The following LCLAT1 variants were observed in gnomAD, a reference collection of about 807,000 sequenced individuals.
The protein encoded by LCLAT1 is lysocardiolipin acyltransferase 1, also known as 1-AGP acyltransferase 8.
LCLAT1 carries 11 observed loss-of-function variants against 30.7 expected under a neutral mutation model. The observed-to-expected ratio is 0.36, with a 90% CI of 0.23 to 0.59. LCLAT1 has a LOEUF of 0.59. LCLAT1 is among the 20% of genes least tolerant of loss of function. LCLAT1 has a pLI of 0.77. For synonymous variants in LCLAT1, 155 were observed against 151.3 expected, an observed-to-expected ratio of 1.02 and a Z score of -0.18; for missense variants, 402 against 458.6, an observed-to-expected ratio of 0.88 and a Z score of 1.13.
chr2:30,562,330 T>C (rs755900261), intron 4 of LCLAT1, 38 bp downstream of exon 4: 1 of 1,502,656 alleles, frequency 6.7e-7, no homozygotes, highest in Non-Finnish European at 9.0e-7. Context: ...AGAAATCATG[T>C]AGTCTAAACT....
intron 1 of LCLAT1, among the ~76,000 whole-genome samples, chr2:30,452,892 A>G (rs1331467092): frequency 6.6e-6 from 1 of 152,086 alleles, no homozygotes; most frequent in African/African-American, 2.4e-5. Context: ...CAGTAGGGCC[A>G]TAGGGATCCT....
Position 30,517,543 on chromosome 2 carries a change from A to G in LCLAT1, c.-4-8044A>G, listed in dbSNP as rs141504920. On this transcript the variant is annotated intron_variant, in intron 1 of 5. Transcript: ENST00000379509. ...AGGGCCTTAGAACTGGTAACCCAGT[A>G]CTTTAACAACTGGAACTGGGTCTAC... Among the ~76,000 whole-genome samples the G allele has an allele frequency of 1.4e-3, 220 of 152,342 alleles. 1 individual carries two copies. The highest frequency in any genetic ancestry group is 5.1e-3 in the African/African-American group (211 of 41,578).
intron 1 of LCLAT1, among the ~76,000 whole-genome samples, chr2:30,506,092 C>G (rs829657): frequency 6.6e-6 from 1 of 151,982 alleles, no homozygotes; most frequent in African/African-American, 2.4e-5. Flanking sequence ...TTTAACTGTC[C>G]TGTTGTGTTT....
chr2:30,534,722 T>A (rs1443798133), intron 3 of LCLAT1, among the ~76,000 whole-genome samples: 1 of 152,200 alleles, frequency 6.6e-6, no homozygotes, highest in Non-Finnish European at 1.5e-5. Flanking sequence ...AGCTGCAAGG[T>A]ATTTTATGAC....
intron 5 of LCLAT1, among the ~76,000 whole-genome samples, chr2:30,632,997 G>A (rs1381273480): frequency 2.6e-5 from 4 of 152,140 alleles, no homozygotes; most frequent in Non-Finnish European, 5.9e-5. Context: ...TTTTGAAGCT[G>A]AAAGGTATAT....
At chr2:30,562,335 T>C (rs115260854) in intron 4 of LCLAT1, 43 bp downstream of exon 4, 19,426 of 1,493,628 alleles carry the variant, frequency 0.013, 169 homozygotes, top group Non-Finnish European at 0.016. Context: ...TCATGTAGTC[T>C]AAACTTCTCA....
chr2:30,545,336 G>T (rs1213533450), intron 3 of LCLAT1, among the ~76,000 whole-genome samples: 1 of 152,048 alleles, frequency 6.6e-6, no homozygotes, highest in Non-Finnish European at 1.5e-5. Context: ...GAGTATTTAA[G>T]ATTGCTATGC....
At chr2:30,455,586 C>T (rs1681792925) in intron 1 of LCLAT1, among the ~76,000 whole-genome samples, 1 of 152,036 alleles carries the variant, frequency 6.6e-6, no homozygotes, top group Admixed American at 6.6e-5. Flanking sequence ...CCTTCCTTCT[C>T]CACTTCTGTC....
intron 1 of LCLAT1, chr2:30,476,623 T>G (rs1473332382): frequency 4.7e-6 from 2 of 430,054 alleles, no homozygotes. Flanking sequence ...CGCTCGCCGA[T>G]TCTACCATTA....
At chr2:30,504,995 G>A (rs1340303547) in intron 1 of LCLAT1, among the ~76,000 whole-genome samples, 2 of 152,110 alleles carry the variant, frequency 1.3e-5, no homozygotes, top group African/African-American at 4.8e-5. Context: ...TTGGAGAGCA[G>A]ATCAGTTTAG....
intron 5 of LCLAT1, among the ~76,000 whole-genome samples, chr2:30,614,518 T>C (rs901590283): frequency 1.3e-5 from 2 of 152,168 alleles, no homozygotes; most frequent in African/African-American, 4.8e-5. Context: ...TGCAAGGTTC[T>C]TGGCCTCAAC....
intron 5 of LCLAT1, among the ~76,000 whole-genome samples, chr2:30,612,279 A>G (rs1375472325): frequency 1.3e-5 from 2 of 152,188 alleles, no homozygotes; most frequent in African/African-American, 4.8e-5. Context: ...TATGTTTAAC[A>G]TCGTCAAATA....
intron 5 of LCLAT1, among the ~76,000 whole-genome samples, chr2:30,609,344 A>G (rs1441723988): frequency 1.3e-5 from 2 of 151,892 alleles, no homozygotes; most frequent in Non-Finnish European, 2.9e-5. Context: ...TCTTTTGTTA[A>G]TTGTATAATT....
intron 3 of LCLAT1, among the ~76,000 whole-genome samples, chr2:30,548,869 G>A (rs1264905939): frequency 2.6e-5 from 4 of 152,162 alleles, no homozygotes; most frequent in African/African-American, 7.2e-5. Context: ...CAAAGCTCAT[G>A]TGATGAGAAT....
intron 2 of LCLAT1, among the ~76,000 whole-genome samples, chr2:30,530,290 A>T (rs1685922308): frequency 6.6e-6 from 1 of 152,208 alleles, no homozygotes; most frequent in African/African-American, 2.4e-5. Flanking sequence ...TTTAGTCTGG[A>T]TTAATTGAAT....
At chr2:30,597,965 C>A (rs1248310622) in intron 5 of LCLAT1, among the ~76,000 whole-genome samples, 3 of 152,154 alleles carry the variant, frequency 2.0e-5, no homozygotes, top group African/African-American at 7.2e-5. Context: ...TTATGTTGAA[C>A]CAGCCTTGCA....
chr2:30,639,857 G>A (rs536824303), intron 5 of LCLAT1, among the ~76,000 whole-genome samples: 2 of 152,092 alleles, frequency 1.3e-5, no homozygotes, highest in Non-Finnish European at 2.9e-5. Flanking sequence ...TTTTAGAATG[G>A]CAGATTACTG....
intron 1 of LCLAT1, among the ~76,000 whole-genome samples, chr2:30,505,962 A>G (rs1298762707): frequency 6.6e-6 from 1 of 152,148 alleles, no homozygotes; most frequent in Non-Finnish European, 1.5e-5. Flanking sequence ...TTCTGGTTTA[A>G]GAACTCTCAG....
chr2:30,514,989 C>G (rs73922656), intron 1 of LCLAT1, among the ~76,000 whole-genome samples: 1 of 152,304 alleles, frequency 6.6e-6, no homozygotes, highest in African/African-American at 2.4e-5. Flanking sequence ...CCATCCTGGC[C>G]TGGGTGTGTG....
Sources: gnomAD v4.1 joint callset for allele counts (sites outside exome capture counted in the v4.1 genomes callset) on GRCh38, gnomAD v4.1.1 for gene constraint, MANE v1.5 for transcripts, NCBI Gene and HGNC (gene_info 2026-07-23, HGNC 2026-07-21) for gene names.